Variants in DDHD1 observed in about 807,000 individuals in gnomAD.
The protein encoded by DDHD1 is phospholipase DDHD1.
DDHD1 carries 49 observed loss-of-function variants against 96.4 expected under a neutral mutation model. The ratio of observed to expected loss-of-function variants is 0.51; its 90% CI spans 0.40 to 0.64. DDHD1 has a LOEUF of 0.64. Ranked by LOEUF, DDHD1 falls within the 30% of genes least tolerant of loss-of-function variation. The pLI, the probability that DDHD1 is intolerant of heterozygous loss-of-function variation, is 0.00. For synonymous variants in DDHD1, 442 were observed against 446.5 expected (o/e 0.99, Z 0.13); for missense variants, 1,106 against 1,161.2 (o/e 0.95, Z 0.69).
chr14:53,109,978 T>A (rs1041439521), intron 1 of DDHD1, among the ~76,000 whole-genome samples: 2 of 152,176 alleles, frequency 1.3e-5, no homozygotes, highest in African/African-American at 4.8e-5. Context: ...CAAATAGTCA[T>A]GAAACCCTTA....
At chr14:53,138,598 T>C (rs914543192) in intron 1 of DDHD1, among the ~76,000 whole-genome samples, 3 of 152,204 alleles carry the variant, frequency 2.0e-5, no homozygotes, top group Non-Finnish European at 1.5e-5. Flanking sequence ...CAAAAATTTT[T>C]GAACCCTTCA....
intron 4 of DDHD1, among the ~76,000 whole-genome samples, chr14:53,081,824 G>A (rs890416787): frequency 2.0e-5 from 3 of 151,456 alleles, no homozygotes; most frequent in Admixed American, 6.6e-5. Flanking sequence ...TATGTCTACT[G>A]AATCATTTGG....
At chr14:53,113,072 G>A (rs956483001) in intron 1 of DDHD1, among the ~76,000 whole-genome samples, 16 of 151,822 alleles carry the variant, frequency 1.1e-4, no homozygotes, top group Middle Eastern at 3.4e-3. Flanking sequence ...CAATTCTCCT[G>A]CCTCAGCCTC....
At chr14:53,072,571 AC>A in intron 6 of DDHD1, 25 bp downstream of exon 6, 1 of 1,364,292 alleles carries the variant, frequency 7.3e-7, no homozygotes, top group Non-Finnish European at 1.0e-6. Context: ...AAAAATACCC[AC>A]CAGCAAGATA....
intron 1 of DDHD1, among the ~76,000 whole-genome samples, chr14:53,138,435 G>GA: frequency 6.6e-6 from 1 of 151,880 alleles, no homozygotes; most frequent in East Asian, 1.9e-4. Context: ...TCTCAAAAAA[G>GA]AAAAAAAGCA....
At chr14:53,102,811 C>A (rs1382490863) in intron 2 of DDHD1, among the ~76,000 whole-genome samples, 1 of 151,620 alleles carries the variant, frequency 6.6e-6, no homozygotes, top group Non-Finnish European at 1.5e-5. Flanking sequence ...TTTTTTCAAG[C>A]TTCATTCTGT....
rs548397577 is a variant in DDHD1 at position 53,038,272 on chromosome 14, C to T, written c.*8496G>A. ...ATATGATTTTATACCTAGAAAACCCCGAAGACTCTGCCAAAAGCTCCTAGA... is the reference window on the plus strand; with the variant it reads ...ATATGATTTTATACCTAGAAAACCCTGAAGACTCTGCCAAAAGCTCCTAGA... On this transcript the variant is annotated 3_prime_UTR_variant, in exon 13 of 13. Transcript: ENST00000673822. 7.9e-5 allele frequency: 12 copies of T among 152,154 alleles called. No individual in the cohort carries two copies. In the East Asian group the frequency reaches 9.7e-4, roughly 12 times the overall value. The allele number at this position is 152,154 out of a possible 1,614,324, so 9.4% of individuals were successfully genotyped here.
At position 53,149,092 on chromosome 14, in the gene DDHD1, A is replaced by G. The variant is rs140898297; in HGVS notation, c.838+3169T>C. Reference sequence around the variant, plus strand: ...TTTACTACGATATTTTTTCATATGTAATAATATTGCTCCTCATTAATAGAA... The same window carrying G: ...TTTACTACGATATTTTTTCATATGTGATAATATTGCTCCTCATTAATAGAA... On this transcript the variant is annotated intron_variant, in intron 1 of 12. Transcript: ENST00000673822. Among the ~76,000 whole-genome samples, 235 of 152,108 alleles carry G rather than the reference A, an allele frequency of 1.5e-3. 1 individual carries two copies. The highest frequency in any genetic ancestry group is 5.3e-3 in the African/African-American group (220 of 41,334).
At chr14:53,079,811 A>G (rs1885296903) in intron 4 of DDHD1, among the ~76,000 whole-genome samples, 1 of 152,190 alleles carries the variant, frequency 6.6e-6, no homozygotes, top group Admixed American at 6.5e-5. Context: ...ATATTTGAGT[A>G]GTTTCCTACG....
intron 2 of DDHD1, among the ~76,000 whole-genome samples, chr14:53,096,703 C>T (rs1383903311): frequency 2.6e-5 from 4 of 151,838 alleles, no homozygotes; most frequent in Non-Finnish European, 4.4e-5. Context: ...CTTTCCACTG[C>T]TGAAGTATAA....
At chr14:53,146,075 G>A (rs1476550681) in intron 1 of DDHD1, among the ~76,000 whole-genome samples, 8 of 151,926 alleles carry the variant, frequency 5.3e-5, no homozygotes, top group East Asian at 1.9e-4. Context: ...GCATTGTGGC[G>A]CATGCCTGCA....
intron 1 of DDHD1, among the ~76,000 whole-genome samples, chr14:53,151,060 A>G (rs1891315081): frequency 6.6e-6 from 1 of 152,246 alleles, no homozygotes; most frequent in Admixed American, 6.5e-5. Context: ...TGCTTAACAT[A>G]TGAATGTTTT....
rs138101317 is a variant in DDHD1 at position 53,137,320 on chromosome 14, G to A, written c.838+14941C>T. Among the ~76,000 whole-genome samples, 223 of 152,302 alleles carry A rather than the reference G, an allele frequency of 1.5e-3. 2 individuals are homozygous for A. The highest frequency in any genetic ancestry group is 5.0e-3 in the African/African-American group (209 of 41,570). On this transcript the variant is annotated intron_variant, in intron 1 of 12. Coordinates refer to ENST00000673822, the MANE Select transcript of DDHD1 (RefSeq NM_001160148.2). Reference sequence around the variant, plus strand: ...GAAAATAACAGGGCAGGCCAGGTGCGGTGGCTCACGCCTGAAATCCCAACA... The same window carrying A: ...GAAAATAACAGGGCAGGCCAGGTGCAGTGGCTCACGCCTGAAATCCCAACA...
chr14:53,109,494 T>TGTATACAACAGGAACCATTGTAATA (rs1887949697), intron 1 of DDHD1, among the ~76,000 whole-genome samples: 1 of 152,204 alleles, frequency 6.6e-6, no homozygotes, highest in South Asian at 2.1e-4. Flanking sequence ...ATGTGCTATT[T>TGTATACAACAGGAACCATTGTAATA]CCTTGTATAA....
chr14:53,062,411 A>G (rs1462144925), intron 7 of DDHD1, among the ~76,000 whole-genome samples: 1 of 152,118 alleles, frequency 6.6e-6, no homozygotes, highest in Non-Finnish European at 1.5e-5. Context: ...GAAGATAGGA[A>G]TGCAGCAAAG....
At chr14:53,093,509 A>T in intron 2 of DDHD1, 65 bp from the exon 3 acceptor site, 1 of 1,567,742 alleles carries the variant, frequency 6.4e-7, no homozygotes, top group Non-Finnish European at 8.6e-7. Flanking sequence ...TTGAAGAATT[A>T]TAACACTCAG....
chr14:53,066,916 G>A (rs1023484003), intron 6 of DDHD1, among the ~76,000 whole-genome samples: 46 of 148,892 alleles, frequency 3.1e-4, no homozygotes, highest in Non-Finnish European at 3.0e-4. Flanking sequence ...GCAGTGAGCT[G>A]AGATCGTACC....
intron 6 of DDHD1, among the ~76,000 whole-genome samples, chr14:53,071,890 G>A (rs1387070384): frequency 1.3e-5 from 2 of 152,128 alleles, no homozygotes; most frequent in Non-Finnish European, 2.9e-5. Context: ...CTGTGAAGCT[G>A]TATTGCCTGG....
rs1881905436 is a variant in DDHD1 at position 53,044,914 on chromosome 14, T to C, written c.*1854A>G. The C allele has an allele frequency of 6.6e-6, 1 of 152,148 alleles. No homozygotes were observed. The highest frequency in any genetic ancestry group is 6.5e-5 in the Admixed American group (1 of 15,276). The allele number at this position is 152,148 out of a possible 1,614,324, so 9.4% of individuals were successfully genotyped here. A position where few individuals can be genotyped will look rare whatever the true frequency, so the allele number is the denominator to read the frequency against. On this transcript the variant is annotated 3_prime_UTR_variant, in exon 13 of 13. Transcript: ENST00000673822. ...TTTGCTCCCAGTTTGACAATGATTA[T>C]TGGGAAGCTAAGCAATTCCTTGCAA...
Sources: allele counts gnomAD v4.1 joint callset (sites outside exome capture counted in the v4.1 genomes callset), GRCh38; gene constraint gnomAD v4.1.1; transcripts MANE v1.5; gene names NCBI Gene and HGNC (gene_info 2026-07-23, HGNC 2026-07-21).